Variants in DIO2 observed in about 807,000 individuals in gnomAD.
DIO2 encodes the protein iodothyronine deiodinase 2.
In DIO2, 19 loss-of-function variants were observed where a neutral mutation model predicts 21.4. The observed-to-expected ratio is 0.89, with a 90% CI of 0.62 to 1.30. The LOEUF is 1.30. Among genes scored for constraint, DIO2 ranks in the 50% most tolerant of loss-of-function variants. The pLI is 0.00. For missense variants in DIO2, 302 were observed against 338.1 expected (o/e 0.89, Z 0.84); for synonymous variants, 122 against 132.9 (o/e 0.92, Z 0.57).
intron 1 of DIO2, among the ~76,000 whole-genome samples, chr14:80,205,178 C>T (rs534745582): frequency 5.7e-4 from 87 of 152,074 alleles, no homozygotes; most frequent in African/African-American, 2.0e-3. Flanking sequence ...CCTTTTAAGC[C>T]GTGAGTTCTT....
Position 80,199,297 on chromosome 14 carries a change from G to C in DIO2, c.*3392C>G, listed in dbSNP as rs189260678. On this transcript the variant is annotated 3_prime_UTR_variant, in exon 2 of 2. Coordinates refer to ENST00000438257, the MANE Select transcript of DIO2 (RefSeq NM_013989.5). ...TAGGCTATTCTTCCCACTGTGATGA[G>C]AGAATAAGCACTTCCTGGTTAACGG... is the stretch of plus-strand genomic sequence containing the variant. 5 of 152,344 alleles carry C rather than the reference G, an allele frequency of 3.3e-5. No homozygotes were observed. The East Asian group carries it at 9.6e-4, about 29-fold the overall frequency. 9.4% of individuals were successfully genotyped at this position (152,344 alleles called of 1,614,324 possible).
At chr14:80,228,988 C>T (rs946344456) in intron 2 of DIO2, among the ~76,000 whole-genome samples, 2 of 152,096 alleles carry the variant, frequency 1.3e-5, no homozygotes, top group African/African-American at 2.4e-5. Flanking sequence ...GAGAAAGATT[C>T]ACTGCATAAA....
chr14:80,222,022 T>C (rs1888475655), intron 2 of DIO2, among the ~76,000 whole-genome samples: 1 of 152,232 alleles, frequency 6.6e-6, no homozygotes, highest in Admixed American at 6.5e-5. Context: ...CACCGATTAC[T>C]GAGAGAGGAG....
At chr14:80,206,691 G>C (rs1296379090) in intron 1 of DIO2, among the ~76,000 whole-genome samples, 1 of 152,118 alleles carries the variant, frequency 6.6e-6, no homozygotes, top group Non-Finnish European at 1.5e-5. Context: ...GTTATCCCCT[G>C]GTACTCCCAA....
At chr14:80,228,462 C>A (rs946986206) in intron 2 of DIO2, among the ~76,000 whole-genome samples, 5 of 152,148 alleles carry the variant, frequency 3.3e-5, no homozygotes, top group African/African-American at 1.2e-4. Context: ...CTACACAGAC[C>A]AAATGGGAGA....
upstream of DIO2, among the ~76,000 whole-genome samples, chr14:80,215,543 T>C (rs1043751918): frequency 6.6e-6 from 1 of 152,240 alleles, no homozygotes; most frequent in African/African-American, 2.4e-5. Context: ...ACCATGGACT[T>C]TCAAGCTGCC....
intron 2 of DIO2, among the ~76,000 whole-genome samples, chr14:80,220,021 A>C (rs919978306): frequency 6.6e-6 from 1 of 150,550 alleles, no homozygotes; most frequent in Non-Finnish European, 1.5e-5. Flanking sequence ...AAATGAAAGA[A>C]GTTTGTTACA....
intron 1 of DIO2, among the ~76,000 whole-genome samples, chr14:80,206,970 G>A (rs750548819): frequency 1.3e-5 from 2 of 152,108 alleles, no homozygotes; most frequent in Non-Finnish European, 2.9e-5. Flanking sequence ...AATTGGTCTT[G>A]AAGTTCCGAT....
intron 2 of DIO2, among the ~76,000 whole-genome samples, chr14:80,217,110 C>T: frequency 6.6e-6 from 1 of 152,166 alleles, no homozygotes; most frequent in East Asian, 1.9e-4. Context: ...AGAAAATAAA[C>T]TAGATATTCT....
At chr14:80,203,362 ATT>A in intron 1 of DIO2, 74 bp from the exon 2 acceptor site, 1 of 1,438,110 alleles carries the variant, frequency 7.0e-7, no homozygotes, top group Non-Finnish European at 9.2e-7. Context: ...TGCCACTTGA[ATT>A]CACATTAAAT....
At chr14:80,205,996 G>A (rs1347670391) in intron 1 of DIO2, among the ~76,000 whole-genome samples, 1 of 152,122 alleles carries the variant, frequency 6.6e-6, no homozygotes, top group Admixed American at 6.5e-5. Flanking sequence ...CTCTCATAGA[G>A]TACTACCAAA....
intron 2 of DIO2, among the ~76,000 whole-genome samples, chr14:80,218,952 C>T (rs924303205): frequency 1.5e-4 from 23 of 152,072 alleles, no homozygotes; most frequent in Non-Finnish European, 2.2e-4. Flanking sequence ...CACTCCAGCC[C>T]GGGCCACAGA....
chr14:80,227,048 C>T (rs1395612036), intron 2 of DIO2, among the ~76,000 whole-genome samples: 1 of 152,180 alleles, frequency 6.6e-6, no homozygotes, highest in Non-Finnish European at 1.5e-5. Context: ...ATGAAAAGTG[C>T]ACAACCAGGT....
Position 80,211,346 on chromosome 14 carries a change from G to A in DIO2, c.127C>T (p.Arg43Cys), listed in dbSNP as rs748438251. 1 of 1,613,660 alleles carries A rather than the reference G, an allele frequency of 6.2e-7. No individual in the cohort carries two copies. Among genetic ancestry groups the A allele is most frequent in the Non-Finnish European group, 8.5e-7 (1 of 1,179,874 alleles). ...LLKHVVLLLS[R>C]SKSTRGEWRR... ...CACTCTCCGCGAGTGGACTTGGAGC[G>A]GCTCAACAGCAGCACCACGTGCTTG... The change falls in exon 1 of 2, where the codon CGC becomes TGC. Residue 43 changes from arginine (R) to cysteine (C), a missense_variant. By Grantham distance (180) the Arg-to-Cys change is radical. Coordinates refer to ENST00000438257, the MANE Select transcript of DIO2 (RefSeq NM_013989.5).
intron 1 of DIO2, chr14:80,206,294 T>C (rs1887954320): frequency 1.9e-6 from 3 of 1,576,586 alleles, no homozygotes; most frequent in Non-Finnish European, 2.6e-6. Context: ...ATACTAGTCA[T>C]AAAATGTGTC....
intron 2 of DIO2, among the ~76,000 whole-genome samples, chr14:80,218,638 G>C (rs1256816566): frequency 1.3e-5 from 2 of 152,110 alleles, no homozygotes; most frequent in Non-Finnish European, 2.9e-5. Flanking sequence ...AAAAATCAAT[G>C]ACATTTTAAT....
chr14:80,206,869 G>T (rs558103740), intron 1 of DIO2, among the ~76,000 whole-genome samples: 3 of 152,116 alleles, frequency 2.0e-5, no homozygotes, highest in African/African-American at 7.2e-5. Context: ...GAGTAATTAG[G>T]TCGGTACCTC....
Position 80,203,196 on chromosome 14 carries a change from C to T in DIO2, c.315G>A (p.Lys105=), listed in dbSNP as rs992663135. The change falls in exon 2 of 2, where the codon AAG becomes AAA. Residue 105 remains lysine, a synonymous_variant. Transcript: ENST00000438257. ...GDNSGNGTQE[K]IAEGATCHLL... The stretch of plus-strand genomic sequence containing the variant: ...GGTGGCATGTGGCTCCCTCAGCTAT[C>T]TTCTCCTGGGTACCATTGCCACTGT... 1.2e-6 allele frequency: 2 copies of T among 1,609,790 alleles called. No homozygotes were observed.
At chr14:80,221,174 T>G (rs1357398232) in intron 2 of DIO2, among the ~76,000 whole-genome samples, 2 of 152,220 alleles carry the variant, frequency 1.3e-5, no homozygotes, top group Admixed American at 1.3e-4. Context: ...GATGTTCCAG[T>G]GAAGTTTTTG....
Sources: allele counts gnomAD v4.1 joint callset (sites outside exome capture counted in the v4.1 genomes callset), GRCh38; gene constraint gnomAD v4.1.1; transcripts MANE v1.5; gene names NCBI Gene and HGNC (gene_info 2026-07-23, HGNC 2026-07-21).